The following TDRP variants were observed in gnomAD, a reference collection of about 807,000 sequenced individuals.
TDRP encodes testis development related protein.
A neutral mutation model predicts 10.5 loss-of-function variants in TDRP; 12 were observed. That is an observed-to-expected ratio of 1.15 (90% CI 0.73 to 1.86). TDRP has a LOEUF of 1.86. Among genes scored for constraint, TDRP ranks in the 40% most tolerant of loss-of-function variants. The pLI is 0.00. For synonymous variants in TDRP, 139 were observed against 95.4 expected (o/e 1.46, Z -2.67); for missense variants, 353 against 229.2 (o/e 1.54, Z -3.49).
At chr8:500,498 T>G (rs1473279676) in intron 1 of TDRP, among the ~76,000 whole-genome samples, 1 of 152,140 alleles carries the variant, frequency 6.6e-6, no homozygotes, top group South Asian at 2.1e-4. Context: ...CCTCCTGTAA[T>G]CAGAAAAGAG....
At chr8:524,347 T>C (rs1205409853) in intron 1 of TDRP, among the ~76,000 whole-genome samples, 2 of 152,148 alleles carry the variant, frequency 1.3e-5, no homozygotes, top group African/African-American at 4.8e-5. Context: ...AAGCCCAAAC[T>C]GCATATACTA....
At chr8:499,709 C>G (rs558215594) in intron 1 of TDRP, among the ~76,000 whole-genome samples, 108 of 152,350 alleles carry the variant, frequency 7.1e-4, no homozygotes, top group Middle Eastern at 3.4e-3. Flanking sequence ...CCAGATATCT[C>G]GGTCTTCACC....
At chr8:539,672 G>A (rs1209310813) in intron 1 of TDRP, among the ~76,000 whole-genome samples, 3 of 152,168 alleles carry the variant, frequency 2.0e-5, no homozygotes, top group Admixed American at 1.3e-4. Flanking sequence ...TACAAGCAGG[G>A]AGAGAAAGGC....
intron 1 of TDRP, 37 bp from the exon 2 acceptor site, chr8:494,634 C>A: frequency 6.4e-7 from 1 of 1,562,876 alleles, no homozygotes; most frequent in Non-Finnish European, 8.8e-7. Context: ...AATCTGATGT[C>A]ATGAATCAAC....
Position 501,636 on chromosome 8 carries a change from C to G in TDRP, c.109-7039G>C, listed in dbSNP as rs139631111. Among the ~76,000 whole-genome samples, 1,507 of 152,258 alleles carry G rather than the reference C, an allele frequency of 9.9e-3. 25 individuals carry two copies. Among genetic ancestry groups the G allele is most frequent in the African/African-American group, 0.033 (1,389 of 41,556 alleles). On this transcript the variant is annotated intron_variant, in intron 1 of 2. Transcript: ENST00000324079. ...TGCTGGGATTACAGGCGTGAGACAC[C>G]GCGCCCGGACCTTTCCTGCTATACG...
upstream of TDRP, chr8:544,952 G>C (rs1216979478): frequency 1.1e-5 from 3 of 273,410 alleles, no homozygotes; most frequent in Middle Eastern, 8.7e-4. Flanking sequence ...CCCTCCCCAG[G>C]ACCCGGCCCG....
Position 493,743 on chromosome 8 carries a change from T to C in TDRP, c.212+751A>G, listed in dbSNP as rs200921235. On this transcript the variant is annotated intron_variant, in intron 2 of 2. Transcript: ENST00000324079. Reference sequence around the variant, plus strand: ...TCTTTTACAGTTTACCAGTCAATCCTTTGTATTTTTAACAGTGTTTTTTTT... The same window carrying C: ...TCTTTTACAGTTTACCAGTCAATCCCTTGTATTTTTAACAGTGTTTTTTTT... Among the ~76,000 whole-genome samples the C allele has an allele frequency of 7.9e-5, 12 of 151,460 alleles. 1 individual carries two copies. In the East Asian group the frequency reaches 2.3e-3, roughly 29 times the overall value.
chr8:523,597 C>A (rs1382169544), intron 1 of TDRP, among the ~76,000 whole-genome samples: 1 of 152,158 alleles, frequency 6.6e-6, no homozygotes, highest in Non-Finnish European at 1.5e-5. Context: ...CTAGGCCTTG[C>A]AGCATTCACG....
Position 507,505 on chromosome 8 carries a change from A to C in TDRP, c.109-12908T>G, listed in dbSNP as rs546008231. On this transcript the variant is annotated intron_variant, in intron 1 of 2. Coordinates refer to ENST00000324079, the MANE Select transcript of TDRP (RefSeq NM_001384899.1). ...ACATTTTTTAAACCATACAGCAATC[A>C]GCAGCAATTACTGGAATTTAGCAGC... 2.6e-4 allele frequency among the ~76,000 whole-genome samples: 39 copies of C among 152,288 alleles called. No homozygotes were observed. In the South Asian group the frequency reaches 3.1e-3, roughly 12 times the overall value.
In TDRP at chr8:501,458, T is replaced by C. The variant is rs192430061; in HGVS notation, c.109-6861A>G. Among the ~76,000 whole-genome samples the C allele has an allele frequency of 4.9e-3, 737 of 151,826 alleles. 6 individuals are homozygous for C. Among genetic ancestry groups the C allele is most frequent in the African/African-American group, 0.017 (712 of 41,482 alleles). ...ACCTCCCAGGTTCAAGCAATTCTCC[T>C]GCCTCAGCCTCCTGAGTAGCTGGAA... On this transcript the variant is annotated intron_variant, in intron 1 of 2. Transcript: ENST00000324079.
chr8:520,343 C>G (rs1801869788), intron 1 of TDRP, among the ~76,000 whole-genome samples: 1 of 152,230 alleles, frequency 6.6e-6, no homozygotes, highest in South Asian at 2.1e-4. Context: ...TTTTCCTTAT[C>G]TATTAATCCA....
intron 1 of TDRP, chr8:494,838 G>C (rs1563115337): frequency 5.3e-6 from 2 of 380,162 alleles, no homozygotes; most frequent in Admixed American, 4.1e-5. Flanking sequence ...TCTAAATTTA[G>C]TATTAGACAA....
intron 1 of TDRP, among the ~76,000 whole-genome samples, chr8:514,930 G>T (rs1397564935): frequency 1.3e-5 from 2 of 152,126 alleles, no homozygotes; most frequent in East Asian, 1.9e-4. Context: ...TCAAATGAAG[G>T]AATTGGATCA....
chr8:534,098 T>C (rs1158162390), intron 1 of TDRP, among the ~76,000 whole-genome samples: 1 of 152,124 alleles, frequency 6.6e-6, no homozygotes, highest in African/African-American at 2.4e-5. Context: ...TCATAACCTA[T>C]AAGGTAAGAG....
At chr8:511,412 G>A (rs1801612726) in intron 1 of TDRP, among the ~76,000 whole-genome samples, 2 of 152,030 alleles carry the variant, frequency 1.3e-5, no homozygotes, top group Non-Finnish European at 2.9e-5. Flanking sequence ...AGCCCATCAG[G>A]AAGATATAAC....
chr8:519,396 C>T (rs144206924), intron 1 of TDRP, among the ~76,000 whole-genome samples: 20 of 152,280 alleles, frequency 1.3e-4, no homozygotes, highest in African/African-American at 4.6e-4. Context: ...GAAACCCCCA[C>T]TTTAGAGTCA....
chr8:543,318 A>G (rs569667131), intron 1 of TDRP, among the ~76,000 whole-genome samples: 1 of 152,280 alleles, frequency 6.6e-6, no homozygotes, highest in East Asian at 1.9e-4. Context: ...GTCTCAAAAT[A>G]AAAAATAAAA....
chr8:533,282 T>C (rs1451425587), intron 1 of TDRP, among the ~76,000 whole-genome samples: 1 of 152,170 alleles, frequency 6.6e-6, no homozygotes, highest in Non-Finnish European at 1.5e-5. Flanking sequence ...GCAGGTAACA[T>C]TTCAAAGCCA....
intron 1 of TDRP, among the ~76,000 whole-genome samples, chr8:521,351 G>C (rs189193598): frequency 6.8e-4 from 104 of 152,052 alleles, no homozygotes; most frequent in Non-Finnish European, 1.3e-3. Flanking sequence ...CGGGAGGCGG[G>C]GCTTACAGTG....
Sources: allele counts gnomAD v4.1 joint callset (sites outside exome capture counted in the v4.1 genomes callset), GRCh38; gene constraint gnomAD v4.1.1; transcripts MANE v1.5; gene names NCBI Gene and HGNC (gene_info 2026-07-23, HGNC 2026-07-21).